LCOR: variants seen among roughly 807,000 people sequenced by gnomAD.
LCOR encodes ligand-dependent corepressor.
In LCOR, 14 loss-of-function variants were observed where a neutral mutation model predicts 64.4. The ratio of observed to expected loss-of-function variants is 0.22; its 90% confidence interval spans 0.14 to 0.34. The LOEUF (loss-of-function observed/expected upper bound fraction) is 0.34. Ranked by LOEUF, LCOR falls within the 10% of genes least tolerant of loss-of-function variation. LCOR has a pLI of 1.00. For synonymous variants in LCOR, 643 were observed against 642.5 expected (o/e 1.00, Z -0.01); for missense variants, 1,686 against 1,765.3 (o/e 0.96, Z 0.80).
At chr10:96,848,671 AAAC>A (rs1312487324) in intron 2 of LCOR, among the ~76,000 whole-genome samples, 2 of 152,168 alleles carry the variant, frequency 1.3e-5, no homozygotes, top group African/African-American at 2.4e-5. Context: ...AAACAAAACA[AAAC>A]AACAAAAAAT....
At chr10:96,896,763 C>A (rs1013476595) in intron 2 of LCOR, among the ~76,000 whole-genome samples, 1 of 152,090 alleles carries the variant, frequency 6.6e-6, no homozygotes, top group East Asian at 1.9e-4. Flanking sequence ...TTGAGATCCA[C>A]ACACTGAAGA....
At position 96,887,419 on chromosome 10, in the gene LCOR, C is replaced by T. The variant is rs997302891; in HGVS notation, c.-329-19846C>T. On this transcript the variant is annotated intron_variant, in intron 2 of 7. Coordinates refer to ENST00000421806, the MANE Select transcript of LCOR (RefSeq NM_001346516.2). The stretch of plus-strand genomic sequence containing the variant: ...TCTACTAAAAATACAAAAAATTAGC[C>T]GGGCGTCGTGGCGGGCGCCTGTAGT... Among the ~76,000 whole-genome samples, 8 of 151,822 alleles carry T rather than the reference C, an allele frequency of 5.3e-5. No individual in the cohort carries two copies. In the East Asian group the frequency reaches 5.9e-4, roughly 11 times the overall value.
At chr10:96,894,777 G>A (rs1007149780) in intron 2 of LCOR, among the ~76,000 whole-genome samples, 2 of 152,158 alleles carry the variant, frequency 1.3e-5, no homozygotes, top group African/African-American at 4.8e-5. Context: ...ATTTAGATGT[G>A]TTTGATTACA....
chr10:96,920,492 ATATGTGTATATATG>A (rs1442968807), intron 4 of LCOR, among the ~76,000 whole-genome samples: 1 of 111,814 alleles, frequency 8.9e-6, no homozygotes, highest in African/African-American at 4.3e-5. Context: ...ATATTCATAT[ATATGTGTATATATG>A]TATGTATATT....
chr10:96,939,305 A>G (rs1181722522), intron 4 of LCOR, among the ~76,000 whole-genome samples: 1 of 152,240 alleles, frequency 6.6e-6, no homozygotes, highest in African/African-American at 2.4e-5. Flanking sequence ...ATCCACATGG[A>G]AGAGAATGAG....
At chr10:96,925,813 G>T (rs368929432) in intron 4 of LCOR, among the ~76,000 whole-genome samples, 1 of 152,148 alleles carries the variant, frequency 6.6e-6, no homozygotes, top group Non-Finnish European at 1.5e-5. Context: ...GCCTAAATCA[G>T]TTGCTCTGAT....
chr10:96,965,695 C>T (rs1206123874), intron 7 of LCOR, among the ~76,000 whole-genome samples: 1 of 147,996 alleles, frequency 6.8e-6, no homozygotes, highest in African/African-American at 2.5e-5. Context: ...GACGGGCTAT[C>T]TAGCTGTTTC....
chr10:96,924,544 A>T (rs1380619944), intron 4 of LCOR, among the ~76,000 whole-genome samples: 1 of 152,044 alleles, frequency 6.6e-6, no homozygotes, highest in South Asian at 2.1e-4. Flanking sequence ...GCCCAGCCAC[A>T]TTAAAAAATT....
chr10:96,924,588 A>G (rs1847136292), intron 4 of LCOR, among the ~76,000 whole-genome samples: 3 of 151,988 alleles, frequency 2.0e-5, no homozygotes, highest in African/African-American at 7.2e-5. Context: ...CTTACAGAAA[A>G]GTTGCAGGAC....
chr10:96,913,230 T>C (rs1846876321), intron 4 of LCOR, among the ~76,000 whole-genome samples: 1 of 152,226 alleles, frequency 6.6e-6, no homozygotes, highest in African/African-American at 2.4e-5. Flanking sequence ...TAGAGTGTCA[T>C]TGCTTTGAAA....
chr10:96,853,854 T>A (rs932143202), intron 2 of LCOR, among the ~76,000 whole-genome samples: 27 of 152,140 alleles, frequency 1.8e-4, no homozygotes, highest in African/African-American at 5.8e-4. Flanking sequence ...AGAAGGTACC[T>A]CTTCACAGGG....
At chr10:96,948,195 T>C (rs371736521) in intron 5 of LCOR, among the ~76,000 whole-genome samples, 1 of 152,238 alleles carries the variant, frequency 6.6e-6, no homozygotes, top group Non-Finnish European at 1.5e-5. Flanking sequence ...GACTAGAAAT[T>C]GATAATTTAG....
rs1462830577 is a variant in LCOR at position 96,876,811 on chromosome 10, T to C, written c.-329-30454T>C. On this transcript the variant is annotated intron_variant, in intron 2 of 7. Coordinates refer to ENST00000421806, the MANE Select transcript of LCOR (RefSeq NM_001346516.2). The stretch of plus-strand genomic sequence containing the variant: ...TTCAGTGATTCTCCTGCCTCAGGCC[T>C]CCCGAGTAGCTGGGATTGCTTACAG... 5.3e-5 allele frequency among the ~76,000 whole-genome samples: 8 copies of C among 152,116 alleles called. No individual in the cohort carries two copies. The East Asian group carries it at 1.3e-3, about 26-fold the overall frequency.
chr10:96,984,401 C>T lies in LCOR; in HGVS notation c.3941C>T (p.Ser1314Phe). The T allele has an allele frequency of 6.2e-7, 1 of 1,614,132 alleles. No homozygotes were observed. Among genetic ancestry groups the T allele is most frequent in the Non-Finnish European group, 8.5e-7 (1 of 1,180,024 alleles). Reference protein sequence around the residue: ...PASTRILRKYSNIRGKLRAQQ... With the variant: ...PASTRILRKYFNIRGKLRAQQ... ...AGTACCCGGATTCTTAGAAAATATT[C>T]CAATATTCGAGGAAAGCTCAGAGCC... is the stretch of plus-strand genomic sequence containing the variant. Residue 1314 changes from serine to phenylalanine, a missense_variant, in exon 8 of 8, where the codon TCC (serine) becomes TTC (phenylalanine). Transcript: ENST00000421806.
In LCOR at chr10:96,916,603, A is replaced by ATC. The variant is rs1346776476; in HGVS notation, c.-184+8857_-184+8858insCT. The stretch of plus-strand genomic sequence containing the variant: ...ATTTAAAGGCTATATATATATATAT[A>ATC]TATCTATATATATGATTATTTATTT... On this transcript the variant is annotated intron_variant, in intron 4 of 7. Transcript: ENST00000421806. Among the ~76,000 whole-genome samples the ATC allele has an allele frequency of 3.0e-3, 441 of 149,090 alleles. 9 individuals carry two copies. Among genetic ancestry groups the ATC allele is most frequent in the African/African-American group, 0.01 (422 of 40,338 alleles).
At chr10:96,964,521 C>T (rs967234448) in intron 7 of LCOR, 2 of 152,072 alleles carry the variant, frequency 1.3e-5, no homozygotes, top group Middle Eastern at 6.8e-3. Flanking sequence ...GGATTGTACT[C>T]CAACTGTAAA....
intron 2 of LCOR, among the ~76,000 whole-genome samples, chr10:96,873,190 A>G (rs1846101360): frequency 1.3e-5 from 2 of 152,220 alleles, no homozygotes; most frequent in South Asian, 4.1e-4. Flanking sequence ...AGAAAGGGAA[A>G]TTGAAGCCAT....
At chr10:96,952,241 T>C in intron 7 of LCOR, 45 bp downstream of exon 7, 28 of 1,349,326 alleles carry the variant, frequency 2.1e-5, no homozygotes, top group Non-Finnish European at 3.0e-5. Context: ...ATATAGATAA[T>C]TCATCAAAGG....
At chr10:96,833,554 T>G (rs1845385758) in intron 2 of LCOR, 75 bp downstream of exon 2, 3 of 574,340 alleles carry the variant, frequency 5.2e-6, no homozygotes, top group Non-Finnish European at 6.6e-6. Flanking sequence ...CTGACTCTCC[T>G]GTCCTCCAGC....
Sources: gnomAD v4.1 joint callset for allele counts (sites outside exome capture counted in the v4.1 genomes callset) on GRCh38, gnomAD v4.1.1 for gene constraint, MANE v1.5 for transcripts, NCBI Gene and HGNC (gene_info 2026-07-23, HGNC 2026-07-21) for gene names.